TXNDC16: variants seen among roughly 807,000 people sequenced by gnomAD.
TXNDC16 encodes thioredoxin domain-containing protein 16.
A neutral mutation model predicts 85.6 loss-of-function variants in TXNDC16; 74 were observed. The ratio of observed to expected loss-of-function variants is 0.86; its 90% CI spans 0.72 to 1.05. The LOEUF is 1.05. TXNDC16 is among the 50% of genes least tolerant of loss of function. The pLI is 0.00. For missense variants in TXNDC16, 959 were observed against 947.0 expected, an observed-to-expected ratio of 1.01 and a Z score of -0.17; for synonymous variants, 335 against 326.5, an observed-to-expected ratio of 1.03 and a Z score of -0.28.
chr14:52,451,150 GACT>G (rs557395840), intron 18 of TXNDC16, among the ~76,000 whole-genome samples: 44 of 151,778 alleles, frequency 2.9e-4, no homozygotes, highest in Admixed American at 1.3e-3. Context: ...TGGGATAAAA[GACT>G]ATACATTGGG....
At chr14:52,523,510 GAAA>G (rs1156618065) in intron 6 of TXNDC16, among the ~76,000 whole-genome samples, 1 of 151,102 alleles carries the variant, frequency 6.6e-6, no homozygotes, top group African/African-American at 2.4e-5. Flanking sequence ...AAACCCCCAG[GAAA>G]AAAAAGACAG....
intron 6 of TXNDC16, among the ~76,000 whole-genome samples, chr14:52,535,592 G>A (rs2037681259): frequency 6.6e-6 from 1 of 152,124 alleles, no homozygotes; most frequent in African/African-American, 2.4e-5. Context: ...AAAAGTCCAT[G>A]TAAACCTGTG....
chr14:52,537,797 T>A, intron 4 of TXNDC16, 125 bp from the exon 5 acceptor site: 1 of 613,804 alleles, frequency 1.6e-6, no homozygotes, highest in Non-Finnish European at 2.9e-6. Context: ...TTTATGTTTT[T>A]TTCTGATTTG....
At chr14:52,512,850 T>C (rs371048369) in intron 8 of TXNDC16, among the ~76,000 whole-genome samples, 5 of 152,264 alleles carry the variant, frequency 3.3e-5, no homozygotes, top group African/African-American at 1.2e-4. Context: ...ACCTTTCTGT[T>C]TTACTTATAA....
chr14:52,484,420 T>C (rs1052129216), intron 12 of TXNDC16, among the ~76,000 whole-genome samples: 1 of 152,218 alleles, frequency 6.6e-6, no homozygotes, highest in Non-Finnish European at 1.5e-5. Context: ...CATAATGATA[T>C]TTCAGTCAAC....
chr14:52,498,576 G>A lies in TXNDC16; in HGVS notation c.757-7571C>T, dbSNP rs117626889. Among the ~76,000 whole-genome samples the A allele has an allele frequency of 3.7e-3, 568 of 152,040 alleles. 3 individuals carry two copies. Among genetic ancestry groups the A allele is most frequent in the Middle Eastern group, 6.8e-3 (2 of 292 alleles). ...AAATAATCCCATTTACAATAGCATT[G>A]AAAAAGAATAAAATACTTTGGAATA... is the stretch of plus-strand genomic sequence containing the variant. On this transcript the variant is annotated intron_variant, in intron 9 of 20. Coordinates refer to ENST00000281741, the MANE Select transcript of TXNDC16 (RefSeq NM_020784.3).
At chr14:52,546,834 A>G (rs1194729933) in intron 1 of TXNDC16, among the ~76,000 whole-genome samples, 1 of 152,266 alleles carries the variant, frequency 6.6e-6, no homozygotes, top group Non-Finnish European at 1.5e-5. Context: ...CAAGCAGCAT[A>G]GAAACTGTTC....
intron 2 of TXNDC16, 38 bp downstream of exon 2, chr14:52,544,226 A>G (rs1238080653): frequency 6.6e-6 from 1 of 152,130 alleles, no homozygotes; most frequent in Non-Finnish European, 1.5e-5. Flanking sequence ...AATTTGTTCT[A>G]GATATCCTCC....
At chr14:52,503,426 G>A (rs1175431289) in intron 9 of TXNDC16, among the ~76,000 whole-genome samples, 2 of 152,214 alleles carry the variant, frequency 1.3e-5, no homozygotes, top group African/African-American at 4.8e-5. Flanking sequence ...AATATTCGCT[G>A]TTCTGCAGCC....
chr14:52,471,517 T>A (rs1024232494), intron 14 of TXNDC16, among the ~76,000 whole-genome samples: 14 of 152,148 alleles, frequency 9.2e-5, no homozygotes, highest in Non-Finnish European at 1.9e-4. Flanking sequence ...GTGATCTACA[T>A]CAGGTTCCCT....
chr14:52,509,846 G>A (rs569277242), intron 9 of TXNDC16, among the ~76,000 whole-genome samples: 2 of 152,116 alleles, frequency 1.3e-5, no homozygotes, highest in Admixed American at 1.3e-4. Flanking sequence ...CAGGTGTGGT[G>A]GCAGGTGCCT....
At chr14:52,551,371 T>C (rs1214895926) in intron 1 of TXNDC16, among the ~76,000 whole-genome samples, 1 of 150,154 alleles carries the variant, frequency 6.7e-6, no homozygotes, top group Non-Finnish European at 1.5e-5. Context: ...CCCAGCTACT[T>C]GGGAGGCTGA....
chr14:52,470,216 T>C (rs1479386883), intron 15 of TXNDC16, 43 bp from the exon 16 acceptor site: 2 of 1,439,850 alleles, frequency 1.4e-6, no homozygotes, highest in Non-Finnish European at 9.4e-7. Context: ...TTTTTTAAGA[T>C]ATTTTCAGTT....
At chr14:52,524,254 A>ACGCTCTGCAAT (rs1259145645) in intron 6 of TXNDC16, among the ~76,000 whole-genome samples, 9 of 152,252 alleles carry the variant, frequency 5.9e-5, no homozygotes, top group African/African-American at 2.2e-4. Context: ...ATAATGTGTT[A>ACGCTCTGCAAT]AAGAATAAAA....
chr14:52,538,277 C>G (rs1300988993), intron 4 of TXNDC16, among the ~76,000 whole-genome samples: 1 of 152,158 alleles, frequency 6.6e-6, no homozygotes, highest in Admixed American at 6.5e-5. Flanking sequence ...CAACAGCAAT[C>G]ACGGACCATA....
At chr14:52,488,834 A>AAAAAAAAAAC (rs1566555907) in intron 11 of TXNDC16, among the ~76,000 whole-genome samples, 3 of 125,538 alleles carry the variant, frequency 2.4e-5, no homozygotes, top group Admixed American at 8.1e-5. Flanking sequence ...ACTCTGGGAA[A>AAAAAAAAAAC]AAAAAAAAAA....
At chr14:52,520,760 C>T (rs1191397522) in intron 6 of TXNDC16, among the ~76,000 whole-genome samples, 1 of 152,046 alleles carries the variant, frequency 6.6e-6, no homozygotes, top group East Asian at 1.9e-4. Flanking sequence ...GAAAACTTTT[C>T]AAAATTTTCA....
intron 6 of TXNDC16, among the ~76,000 whole-genome samples, chr14:52,527,686 G>A (rs893428948): frequency 2.6e-5 from 4 of 152,156 alleles, no homozygotes; most frequent in African/African-American, 9.7e-5. Flanking sequence ...AACTAGGTAT[G>A]AGGATAGCGC....
At chr14:52,552,104 C>G (rs953381033) in intron 1 of TXNDC16, among the ~76,000 whole-genome samples, 3 of 152,202 alleles carry the variant, frequency 2.0e-5, no homozygotes, top group African/African-American at 7.2e-5. Flanking sequence ...CCACAAAGGG[C>G]TCCGGTGTTT....
Sources: allele counts gnomAD v4.1 joint callset (sites outside exome capture counted in the v4.1 genomes callset), GRCh38; gene constraint gnomAD v4.1.1; transcripts MANE v1.5; gene names NCBI Gene and HGNC (gene_info 2026-07-23, HGNC 2026-07-21).